The following TRAPPC3L variants were observed in gnomAD, a reference collection of about 807,000 sequenced individuals.
TRAPPC3L encodes the protein trafficking protein particle complex subunit 3L, also known as trafficking protein particle complex subunit 3-like protein.
A neutral mutation model predicts 23.7 loss-of-function variants in TRAPPC3L; 23 were observed. The observed-to-expected ratio is 0.97, with a 90% CI of 0.70 to 1.37. The LOEUF (loss-of-function observed/expected upper bound fraction) is 1.37, where lower values mean the gene tolerates loss of function less well. Among genes scored for constraint, TRAPPC3L ranks in the 40% most tolerant of loss-of-function variants. The probability of loss-of-function intolerance (pLI) is 0.00; values close to 1 mark genes in which losing one functional copy is unlikely to be tolerated. For synonymous variants in TRAPPC3L, 81 were observed against 77.9 expected (o/e 1.04, Z -0.21); for missense variants, 212 against 216.8 (o/e 0.98, Z 0.14).
chr6:116,511,024 G>A (rs1018512876), intron 3 of TRAPPC3L, among the ~76,000 whole-genome samples: 12 of 150,990 alleles, frequency 7.9e-5, no homozygotes, highest in Non-Finnish European at 1.5e-4. Flanking sequence ...GGGAGAGTGG[G>A]AAGGGGGTGA....
chr6:116,505,051 T>C (rs1423867572), intron 3 of TRAPPC3L, among the ~76,000 whole-genome samples: 1 of 152,160 alleles, frequency 6.6e-6, no homozygotes, highest in Non-Finnish European at 1.5e-5. Context: ...TAAAGAGTAT[T>C]CAATTAGGAA....
chr6:116,497,493 A>G (rs1389772680), intron 4 of TRAPPC3L, among the ~76,000 whole-genome samples: 4 of 152,238 alleles, frequency 2.6e-5, no homozygotes, highest in African/African-American at 4.8e-5. Flanking sequence ...TCATTCTGTC[A>G]TTAGCTGAAT....
At chr6:116,530,902 C>CAT (rs10557481) in intron 3 of TRAPPC3L, among the ~76,000 whole-genome samples, 9,702 of 75,530 alleles carry the variant, frequency 0.13, 472 homozygotes, top group East Asian at 0.17. Context: ...AAGTGAGACT[C>CAT]ATATATATAT....
At chr6:116,498,204 T>C (rs965490885) in intron 4 of TRAPPC3L, among the ~76,000 whole-genome samples, 1 of 152,226 alleles carries the variant, frequency 6.6e-6, no homozygotes, top group South Asian at 2.1e-4. Context: ...TCAGCAAATA[T>C]AATCAACTGC....
chr6:116,535,739 G>A (rs1241954021), intron 3 of TRAPPC3L, among the ~76,000 whole-genome samples: 2 of 151,948 alleles, frequency 1.3e-5, no homozygotes, highest in African/African-American at 4.8e-5. Flanking sequence ...TTTTCATTTA[G>A]ACCAACTGCA....
chr6:116,511,646 C>T (rs777560971), intron 3 of TRAPPC3L: 75 of 1,553,810 alleles, frequency 4.8e-5, no homozygotes, highest in Admixed American at 7.2e-5. Flanking sequence ...ACTGCCACAG[C>T]TGCTCTGCCA....
chr6:116,523,219 A>G (rs1419387647), intron 3 of TRAPPC3L: 1 of 152,108 alleles, frequency 6.6e-6, no homozygotes, highest in Non-Finnish European at 1.5e-5. Flanking sequence ...AGCCCGTCCA[A>G]GATTTTGGGG....
intron 3 of TRAPPC3L, among the ~76,000 whole-genome samples, chr6:116,538,697 T>G (rs1259190717): frequency 6.6e-6 from 1 of 152,104 alleles, no homozygotes; most frequent in Non-Finnish European, 1.5e-5. Flanking sequence ...CTCTACCGCC[T>G]TATTAATTTG....
intron 3 of TRAPPC3L, among the ~76,000 whole-genome samples, chr6:116,514,680 C>T (rs904917302): frequency 2.6e-5 from 4 of 152,264 alleles, no homozygotes; most frequent in Non-Finnish European, 4.4e-5. Context: ...GGTTGAGACC[C>T]TTCACAAACA....
intron 3 of TRAPPC3L, chr6:116,522,098 T>C (rs1164045412): frequency 6.6e-6 from 1 of 152,178 alleles, no homozygotes. Flanking sequence ...GTCAGGCATG[T>C]GAATGAAGGA....
intron 3 of TRAPPC3L, among the ~76,000 whole-genome samples, chr6:116,534,720 T>TA (rs1480030418): frequency 6.6e-6 from 1 of 151,366 alleles, no homozygotes; most frequent in Admixed American, 6.5e-5. Context: ...CTTGATTTTT[T>TA]ATTACTCATC....
Position 116,540,375 on chromosome 6 carries a change from G to T in TRAPPC3L, c.228C>A (p.Asp76Glu). ...AAAACATAGTTACCTGGGCAATTAT[G>T]TCTATAATTTCTGAATAACTATGGC... ...GRCHSYSEII[D>E]IIAQVAFKMY... The change falls in exon 3 of 5, where the codon GAC (aspartate) becomes GAA (glutamate). Residue 76 changes from aspartate (D) to glutamate (E), a missense_variant. By Grantham distance (45) the Asp-to-Glu change is conservative. Transcript: ENST00000368602. The T allele has an allele frequency of 6.4e-7, 1 of 1,550,922 alleles. No individual in the cohort carries two copies. Among genetic ancestry groups the T allele is most frequent in the Non-Finnish European group, 8.7e-7 (1 of 1,146,554 alleles).
chr6:116,530,663 C>G (rs974223336), intron 3 of TRAPPC3L, among the ~76,000 whole-genome samples: 1 of 152,044 alleles, frequency 6.6e-6, no homozygotes, highest in African/African-American at 2.4e-5. Flanking sequence ...TGTGGTTTCA[C>G]TTGACTGCTT....
chr6:116,533,591 GT>G (rs1254342453), intron 3 of TRAPPC3L, among the ~76,000 whole-genome samples: 2 of 152,184 alleles, frequency 1.3e-5, no homozygotes, highest in Non-Finnish European at 2.9e-5. Context: ...TAACAATCAG[GT>G]TGGCTCGGCT....
At chr6:116,506,824 T>A (rs565511419) in intron 3 of TRAPPC3L, among the ~76,000 whole-genome samples, 14 of 152,128 alleles carry the variant, frequency 9.2e-5, no homozygotes, top group Non-Finnish European at 1.6e-4. Context: ...TGAGAACACA[T>A]GGACACAGGT....
intron 3 of TRAPPC3L, among the ~76,000 whole-genome samples, chr6:116,514,773 A>G (rs1015403475): frequency 2.6e-5 from 4 of 152,192 alleles, no homozygotes; most frequent in Non-Finnish European, 4.4e-5. Flanking sequence ...GTTCATTTGT[A>G]GATTATTATT....
rs373777922 is a variant in TRAPPC3L, at chr6:116,541,971, A to T, written c.140+1332T>A. ...AAGATCTTTCTGCAGCTTCTCAAAA[A>T]TTTATTCTTTAATATTTCTTTCATA... is the stretch of plus-strand genomic sequence containing the variant. On this transcript the variant is annotated intron_variant, in intron 2 of 4. Coordinates refer to ENST00000368602, the MANE Select transcript of TRAPPC3L (RefSeq NM_001139444.3). Among the ~76,000 whole-genome samples the T allele has an allele frequency of 6.6e-5, 10 of 152,278 alleles. No individual in the cohort carries two copies. In the East Asian group the frequency reaches 9.6e-4, roughly 15 times the overall value.
chr6:116,500,841 A>T (rs1771900656), intron 3 of TRAPPC3L, among the ~76,000 whole-genome samples, 175 bp from the exon 4 acceptor site: 1 of 152,194 alleles, frequency 6.6e-6, no homozygotes, highest in Non-Finnish European at 1.5e-5. Context: ...ATGATGTGAA[A>T]TTTTTAAATA....
At chr6:116,535,389 C>A (rs1327682846) in intron 3 of TRAPPC3L, among the ~76,000 whole-genome samples, 1 of 152,186 alleles carries the variant, frequency 6.6e-6, no homozygotes, top group Non-Finnish European at 1.5e-5. Flanking sequence ...AGGATCACAG[C>A]TCCTTGTGTC....
Sources: allele counts gnomAD v4.1 joint callset (sites outside exome capture counted in the v4.1 genomes callset), GRCh38; gene constraint gnomAD v4.1.1; transcripts MANE v1.5; gene names NCBI Gene and HGNC (gene_info 2026-07-23, HGNC 2026-07-21).